REN: variants seen among roughly 807,000 people sequenced by gnomAD.
REN encodes angiotensin-forming enzyme.
In REN, 42 loss-of-function variants were observed where a neutral mutation model predicts 48.6. The observed-to-expected ratio is 0.86, with a 90% CI of 0.68 to 1.12. The LOEUF is 1.12. Among genes scored for constraint, REN ranks in the 50% most tolerant of loss-of-function variants. The probability of loss-of-function intolerance (pLI) is 0.00; values close to 1 mark genes in which losing one functional copy is unlikely to be tolerated. For missense variants in REN, 443 were observed against 527.3 expected (o/e 0.84, Z 1.57); for synonymous variants, 196 against 204.6 (o/e 0.96, Z 0.36).
In REN at chr1:204,156,274, C is replaced by T. The variant is rs1180717798; in HGVS notation, c.864G>A (p.Leu288=). 1 of 1,614,092 alleles carries T rather than the reference C, an allele frequency of 6.2e-7. No individual in the cohort carries two copies. Among genetic ancestry groups the T allele is most frequent in the Non-Finnish European group, 8.5e-7 (1 of 1,180,054 alleles). ...SSTLLCEDGC[L]ALVDTGASYI... is the part of the protein sequence containing the mutation. ...AGGATGCACCGGTGTCTACCAATGCCAGGCAGCCGTCTTCACAGAGCAAGG... is the reference window on the plus strand; with the variant it reads ...AGGATGCACCGGTGTCTACCAATGCTAGGCAGCCGTCTTCACAGAGCAAGG... Residue 288 remains leucine (L), a synonymous_variant, in exon 8 of 10, where the codon CTG becomes CTA. Transcript: ENST00000272190. The surrounding 1 kb of genome is among the most constrained non-coding windows in gnomAD (Gnocchi z 4.2).
At chr1:204,157,218 G>T in intron 6 of REN, 143 bp downstream of exon 6, 1 of 1,146,230 alleles carries the variant, frequency 8.7e-7, no homozygotes, top group Non-Finnish European at 1.3e-6. Flanking sequence ...GGAGAGAGCA[G>T]GAAGGAGAGA....
chr1:204,163,253 A>G (rs1205936836), intron 1 of REN, among the ~76,000 whole-genome samples: 2 of 152,008 alleles, frequency 1.3e-5, no homozygotes, highest in East Asian at 1.9e-4. Context: ...TTTCCTTCCT[A>G]CATCCTTCTT....
rs11571120 is a variant in REN at position 204,156,184 on chromosome 1, C to G, written c.954G>C (p.Leu318=). ...LMEALGAKKR[L]FDYVVKCNEG... is the part of the protein sequence containing the mutation. ...TCCCTCTTTGGCTTCTTACATCAAA[C>G]AGCCTCTTCTTGGCTCCCAAGGCCT... The change falls in exon 8 of 10, where the codon CTG becomes CTC. Residue 318 remains leucine, a synonymous_variant. Transcript: ENST00000272190. The surrounding 1 kb of genome is among the most constrained non-coding windows in gnomAD (Gnocchi z 4.2). 6.2e-7 allele frequency: 1 copy of G among 1,614,226 alleles called. No homozygotes were observed.
At chr1:204,161,878 T>C in intron 2 of REN, 135 bp downstream of exon 2, 2 of 1,106,950 alleles carry the variant, frequency 1.8e-6, no homozygotes, top group Non-Finnish European at 2.6e-6. Flanking sequence ...ATGGGAATTT[T>C]CTAGGGTGCT....
chr1:204,165,553 C>T (rs1462822075), intron 1 of REN, among the ~76,000 whole-genome samples: 1 of 151,824 alleles, frequency 6.6e-6, no homozygotes, highest in Admixed American at 6.6e-5. Context: ...CGATATCAAG[C>T]TGCTTCCCTG....
At position 204,154,993 on chromosome 1, in the gene REN, G is replaced by A. The variant is rs1558243143; in HGVS notation, c.*23C>T. On this transcript the variant is annotated 3_prime_UTR_variant, in exon 10 of 10. Coordinates refer to ENST00000272190, the MANE Select transcript of REN (RefSeq NM_000537.4). ...GCTCTGGGCCAGGGCTGAAGGCAGG[G>A]CCTGCCTGGGTGGCAGAGGGCCTCA... The A allele has an allele frequency of 6.2e-7, 1 of 1,612,564 alleles. No homozygotes were observed. Among genetic ancestry groups the A allele is most frequent in the Non-Finnish European group, 8.5e-7 (1 of 1,179,656 alleles).
intron 4 of REN, 42 bp downstream of exon 4, chr1:204,160,518 A>G: frequency 7.4e-7 from 1 of 1,354,470 alleles, no homozygotes; most frequent in South Asian, 1.2e-5. Flanking sequence ...GCCTGGGGAC[A>G]GAAGGGGTCC....
intron 1 of REN, among the ~76,000 whole-genome samples, chr1:204,165,458 C>T (rs1658327098): frequency 6.6e-6 from 1 of 152,100 alleles, no homozygotes. Flanking sequence ...AATAACTTGC[C>T]CATGATTCCA....
chr1:204,160,536 A>G (rs1279331678), intron 4 of REN, 24 bp downstream of exon 4: 4 of 1,529,418 alleles, frequency 2.6e-6, no homozygotes, highest in South Asian at 1.1e-5. Flanking sequence ...TCCGGGGCAG[A>G]TGACCTAGGG....
At chr1:204,155,274 C>T (rs1658128662) in intron 9 of REN, 97 bp from the exon 10 acceptor site, 9 of 1,414,092 alleles carry the variant, frequency 6.4e-6, no homozygotes, top group Admixed American at 1.8e-5. Flanking sequence ...AACATTCCCC[C>T]TCTCGCCCCC....
rs1267693508 is a variant in REN at position 204,154,884 on chromosome 1, C to T, written c.*132G>A. 5.8e-6 allele frequency: 6 copies of T among 1,027,408 alleles called. No homozygotes were observed. The Admixed American group carries it at 5.9e-5, about 10-fold the overall frequency. The allele number at this position is 1,027,408 out of a possible 1,614,324, so 63.6% of individuals were successfully genotyped here. A position where few individuals can be genotyped will look rare whatever the true frequency, so the allele number is the denominator to read the frequency against. On this transcript the variant is annotated 3_prime_UTR_variant, in exon 10 of 10. Transcript: ENST00000272190. ...GGAAGGGCTGGTGCAGGGGTCAGGG[C>T]ACGCATCCAGCAGGAGCTCCACATC...
chr1:204,156,167 T>C lies in REN; in HGVS notation c.960+11A>G, dbSNP rs770460688. On this transcript the variant is annotated intron_variant, in intron 8 of 9. Coordinates refer to ENST00000272190, the MANE Select transcript of REN (RefSeq NM_000537.4). The surrounding 1 kb of genome is among the most constrained non-coding windows in gnomAD (Gnocchi z 4.2). The stretch of plus-strand genomic sequence containing the variant: ...CCCCACCCACAGCACCTTCCCTCTT[T>C]GGCTTCTTACATCAAACAGCCTCTT... 6.2e-7 allele frequency: 1 copy of C among 1,614,224 alleles called. No homozygotes were observed. The highest frequency in any genetic ancestry group is 1.1e-5 in the South Asian group (1 of 91,084).
In REN at chr1:204,159,262, C is replaced by G. The variant is rs1227018829; in HGVS notation, c.689+137G>C. 5.2e-6 allele frequency: 4 copies of G among 767,382 alleles called. No homozygotes were observed. The East Asian group carries it at 1.1e-4, about 20-fold the overall frequency. 47.5% of individuals were successfully genotyped at this position (767,382 alleles called of 1,614,324 possible). Reference sequence around the variant, plus strand: ...ATTTCAATAGTGCCTTCCATATTGGCTAGTACAGCTCTAGATATTGATTGG... The same window carrying G: ...ATTTCAATAGTGCCTTCCATATTGGGTAGTACAGCTCTAGATATTGATTGG... On this transcript the variant is annotated intron_variant, in intron 5 of 9. Coordinates refer to ENST00000272190, the MANE Select transcript of REN (RefSeq NM_000537.4).
intron 2 of REN, 72 bp downstream of exon 2, chr1:204,161,941 C>G: frequency 6.3e-7 from 1 of 1,581,322 alleles, no homozygotes; most frequent in South Asian, 1.1e-5. Flanking sequence ...GTGAGTCTTG[C>G]AGCAAAGAAA....
chr1:204,160,799 CA>C, intron 3 of REN, 121 bp from the exon 4 acceptor site: 1 of 794,512 alleles, frequency 1.3e-6, no homozygotes, highest in Non-Finnish European at 2.3e-6. Flanking sequence ...GCCCTAGGGT[CA>C]GGGGGCTTGG....
rs747293184 is a variant in REN, at chr1:204,166,190, A to G, written c.98+6T>C. 1.2e-6 allele frequency: 2 copies of G among 1,612,638 alleles called. No homozygotes were observed. Among genetic ancestry groups the G allele is most frequent in the Non-Finnish European group, 1.7e-6 (2 of 1,178,702 alleles). On this transcript the variant is annotated splice_donor_region_variant and intron_variant, in intron 1 of 9. Coordinates refer to ENST00000272190, the MANE Select transcript of REN (RefSeq NM_000537.4). ...CCACCCCTTCTCTGCCTGAGTTACC[A>G]ATTACCGTTTAAAGGTGGTGGTGTC... is the stretch of plus-strand genomic sequence containing the variant.
In REN at chr1:204,162,003, A is replaced by G; in HGVS notation, c.249+10T>C. On this transcript the variant is annotated intron_variant, in intron 2 of 9. Coordinates refer to ENST00000272190, the MANE Select transcript of REN (RefSeq NM_000537.4). Reference sequence around the variant, plus strand: ...CAGGGAGGGAGCGAGGGGCTGAGCCAAGCACTCACGTCCATGTAGTTGGTG... The same window carrying G: ...CAGGGAGGGAGCGAGGGGCTGAGCCGAGCACTCACGTCCATGTAGTTGGTG... 1 of 1,614,076 alleles carries G rather than the reference A, an allele frequency of 6.2e-7. No individual in the cohort carries two copies. The highest frequency in any genetic ancestry group is 1.7e-4 in the Middle Eastern group (1 of 6,058).
rs1263363751 is a variant in REN at position 204,156,299 on chromosome 1, G to A, written c.839C>T (p.Thr280Ile). Reference sequence around the variant, plus strand: ...CAGGCAGCCGTCTTCACAGAGCAAGGTGGATGACCCCACAGACACCCTGGG... The same window carrying A: ...CAGGCAGCCGTCTTCACAGAGCAAGATGGATGACCCCACAGACACCCTGGG... ...QMKGVSVGSS[T>I]LLCEDGCLAL... Residue 280 changes from threonine (T) to isoleucine (I), a missense_variant, in exon 8 of 10, where the codon ACC becomes ATC. By Grantham distance (89) the Thr-to-Ile change is moderately conservative (BLOSUM62 -1). Coordinates refer to ENST00000272190, the MANE Select transcript of REN (RefSeq NM_000537.4). This position sits in a 1 kb window ranked among gnomAD's most constrained non-coding sequence, Gnocchi z 4.2. 8 of 1,613,530 alleles carry A rather than the reference G, an allele frequency of 5.0e-6. No homozygotes were observed. The East Asian group carries it at 1.8e-4, about 36-fold the overall frequency.
At chr1:204,160,795 G>T in intron 3 of REN, 117 bp from the exon 4 acceptor site, 1 of 798,306 alleles carries the variant, frequency 1.3e-6, no homozygotes, top group Non-Finnish European at 2.3e-6. Context: ...AGTGGCCCTA[G>T]GGTCAGGGGG....
Sources: allele counts gnomAD v4.1 joint callset (sites outside exome capture counted in the v4.1 genomes callset), GRCh38; gene constraint gnomAD v4.1.1; non-coding constraint Gnocchi (gnomAD v3.1); transcripts MANE v1.5; gene names NCBI Gene and HGNC (gene_info 2026-07-23, HGNC 2026-07-21).